CTNNA2: variants seen among roughly 807,000 people sequenced by gnomAD.
The protein encoded by CTNNA2 is catenin alpha 2.
A neutral mutation model predicts 101.0 loss-of-function variants in CTNNA2; 42 were observed. The ratio of observed to expected loss-of-function variants is 0.42; its 90% CI spans 0.32 to 0.54. CTNNA2 has a LOEUF of 0.54. CTNNA2 is among the 20% of genes least tolerant of loss of function. The pLI is 0.14. For missense variants in CTNNA2, 871 were observed against 1,223.1 expected, an observed-to-expected ratio of 0.71 and a Z score of 4.29; for synonymous variants, 450 against 456.4, an observed-to-expected ratio of 0.99 and a Z score of 0.18.
intron 3 of CTNNA2, among the ~76,000 whole-genome samples, chr2:79,368,648 T>C (rs1348654001): frequency 6.6e-6 from 1 of 152,162 alleles, no homozygotes; most frequent in Non-Finnish European, 1.5e-5. Context: ...ATGAGACACA[T>C]GACAGGCTTA....
chr2:80,230,593 T>G (rs901334544), intron 7 of CTNNA2, among the ~76,000 whole-genome samples: 1 of 152,100 alleles, frequency 6.6e-6, no homozygotes, highest in African/African-American at 2.4e-5. Context: ...AGGGAAAGTT[T>G]TCTGGGCCAT....
At chr2:79,672,679 A>C (rs1412824631) in intron 2 of CTNNA2, among the ~76,000 whole-genome samples, 1 of 151,646 alleles carries the variant, frequency 6.6e-6, no homozygotes, top group East Asian at 1.9e-4. Flanking sequence ...TTTTTTCCTA[A>C]TATTTTCCGA....
chr2:80,564,161 A>G (rs1693848635), intron 12 of CTNNA2, among the ~76,000 whole-genome samples: 1 of 151,952 alleles, frequency 6.6e-6, no homozygotes, highest in Non-Finnish European at 1.5e-5. Flanking sequence ...TGTGCAATAA[A>G]TTTTTAGCAA....
intron 9 of CTNNA2, among the ~76,000 whole-genome samples, chr2:80,518,756 T>G (rs1383137843): frequency 6.6e-6 from 1 of 152,204 alleles, no homozygotes; most frequent in Non-Finnish European, 1.5e-5. Context: ...TAGGAAAAAT[T>G]TGATTCCTGA....
At chr2:79,788,191 A>T (rs1446190193) in intron 3 of CTNNA2, among the ~76,000 whole-genome samples, 1 of 152,156 alleles carries the variant, frequency 6.6e-6, no homozygotes, top group Admixed American at 6.5e-5. Context: ...CAGGTGAAGA[A>T]CCTGCTCAGT....
chr2:79,883,021 G>A (rs1248359813), intron 6 of CTNNA2, among the ~76,000 whole-genome samples: 1 of 152,216 alleles, frequency 6.6e-6, no homozygotes, highest in Non-Finnish European at 1.5e-5. Flanking sequence ...CAGCCACCTA[G>A]TCAGTTCTGA....
intron 3 of CTNNA2, among the ~76,000 whole-genome samples, chr2:79,342,945 C>T (rs531533390): frequency 6.6e-6 from 1 of 152,260 alleles, no homozygotes; most frequent in South Asian, 2.1e-4. Flanking sequence ...CCTGCAGGGC[C>T]TTCTCCTATG....
chr2:79,775,789 C>A (rs565309820), intron 3 of CTNNA2, among the ~76,000 whole-genome samples: 10 of 152,234 alleles, frequency 6.6e-5, no homozygotes, highest in Middle Eastern at 3.4e-3. Context: ...GTTGACATTG[C>A]CACCACCTCC....
intron 7 of CTNNA2, among the ~76,000 whole-genome samples, chr2:80,053,605 T>A (rs1469207729): frequency 6.6e-6 from 1 of 152,186 alleles, no homozygotes; most frequent in East Asian, 1.9e-4. Flanking sequence ...AGGTGTCACT[T>A]CCAAACCTTG....
intron 2 of CTNNA2, among the ~76,000 whole-genome samples, chr2:79,218,369 GA>G (rs1188029550): frequency 2.0e-5 from 2 of 98,576 alleles, no homozygotes; most frequent in African/African-American, 3.3e-5. Context: ...TTTTTTTAGA[GA>G]CAGGATCTTG....
intron 3 of CTNNA2, among the ~76,000 whole-genome samples, chr2:79,820,566 T>C (rs1272504692): frequency 6.6e-6 from 1 of 152,186 alleles, no homozygotes; most frequent in African/African-American, 2.4e-5. Flanking sequence ...AAGTGACATG[T>C]TTACTTCTAA....
intron 7 of CTNNA2, among the ~76,000 whole-genome samples, chr2:80,354,292 T>A (rs1017490844): frequency 6.6e-6 from 1 of 152,036 alleles, no homozygotes; most frequent in Non-Finnish European, 1.5e-5. Context: ...AGGGAGTTGG[T>A]GGGTGAAGAT....
intron 7 of CTNNA2, among the ~76,000 whole-genome samples, chr2:80,215,928 C>G (rs1708238852): frequency 6.6e-6 from 1 of 152,220 alleles, no homozygotes; most frequent in Admixed American, 6.5e-5. Context: ...AGCTTCCTGA[C>G]CACTTTGTTT....
At chr2:80,224,951 T>G (rs933806033) in intron 7 of CTNNA2, among the ~76,000 whole-genome samples, 4 of 152,178 alleles carry the variant, frequency 2.6e-5, no homozygotes, top group Non-Finnish European at 5.9e-5. Flanking sequence ...CCCAGTTCTG[T>G]GCAGGATAAA....
intron 3 of CTNNA2, among the ~76,000 whole-genome samples, chr2:79,836,265 C>T (rs540262339): frequency 5.9e-5 from 9 of 152,246 alleles, no homozygotes; most frequent in East Asian, 1.9e-4. Flanking sequence ...TCATTAGAGA[C>T]GCTTGATGTT....
chr2:79,962,225 A>G (rs1214965342), intron 7 of CTNNA2, among the ~76,000 whole-genome samples: 2 of 152,268 alleles, frequency 1.3e-5, no homozygotes, highest in Non-Finnish European at 2.9e-5. Flanking sequence ...GGGAATTCCA[A>G]GATCAAGACA....
At chr2:79,976,486 G>A (rs1380544296) in intron 7 of CTNNA2, among the ~76,000 whole-genome samples, 1 of 152,168 alleles carries the variant, frequency 6.6e-6, no homozygotes, top group East Asian at 1.9e-4. Context: ...CTGCAAAAGT[G>A]TCTTCTTCAG....
chr2:79,305,251 C>T (rs139632866), intron 2 of CTNNA2, among the ~76,000 whole-genome samples: 143 of 151,024 alleles, frequency 9.5e-4, no homozygotes, highest in Middle Eastern at 3.5e-3. Context: ...CACACAAACA[C>T]ATCTCCGTGA....
chr2:80,101,942 C>T (rs1279767102), intron 7 of CTNNA2, among the ~76,000 whole-genome samples: 3 of 152,122 alleles, frequency 2.0e-5, no homozygotes, highest in Admixed American at 6.5e-5. Flanking sequence ...GAAGTCTGCT[C>T]TTGTAGATTC....
Sources: allele counts gnomAD v4.1 joint callset (sites outside exome capture counted in the v4.1 genomes callset), GRCh38; gene constraint gnomAD v4.1.1; transcripts MANE v1.5; gene names NCBI Gene and HGNC (gene_info 2026-07-23, HGNC 2026-07-21).